The following NAV3 variants were observed in gnomAD, a reference collection of about 807,000 sequenced individuals.
NAV3 encodes the protein neuron navigator 3, also known as pore membrane and/or filament interacting like protein 1.
NAV3 carries 87 observed loss-of-function variants against 244.7 expected under a neutral mutation model. The ratio of observed to expected loss-of-function variants is 0.36; its 90% CI spans 0.30 to 0.42. The LOEUF is 0.42. Among genes scored for constraint, NAV3 ranks in the 20% least tolerant of loss-of-function variants. The pLI is 1.00. For missense variants in NAV3, 2,663 were observed against 2,893.3 expected (o/e 0.92, Z 1.83); for synonymous variants, 1,126 against 1,042.2 (o/e 1.08, Z -1.55).
At chr12:77,597,403 C>T (rs950098896) in intron 2 of NAV3, among the ~76,000 whole-genome samples, 1 of 151,972 alleles carries the variant, frequency 6.6e-6, no homozygotes, top group Admixed American at 6.6e-5. Context: ...GGCAGGTACT[C>T]AATAAATATT....
chr12:78,210,680 A>G lies in NAV3; in HGVS notation c.*163A>G. On this transcript the variant is annotated 3_prime_UTR_variant, in exon 40 of 40. Transcript: ENST00000397909. ...GCAGAACTAAGTCTGAACCGCCAAG[A>G]TGCTAAATTGCAATGGAAGCTTAAC... 1.4e-6 allele frequency: 1 copy of G among 730,314 alleles called. No individual in the cohort carries two copies. The highest frequency in any genetic ancestry group is 2.0e-5 in the South Asian group (1 of 50,242). 45.2% of individuals were successfully genotyped at this position (730,314 alleles called of 1,614,324 possible).
At position 77,664,850 on chromosome 12, in the gene NAV3, G is replaced by A. The variant is rs187125102; in HGVS notation, c.72+92584G>A. On this transcript the variant is annotated intron_variant, in intron 2 of 8. Transcript: ENST00000550042. Reference sequence around the variant, plus strand: ...CTAAAATCTTAATCTGCATGTAATAGATTCTTCTGTGACAACACATTATTT... The same window carrying A: ...CTAAAATCTTAATCTGCATGTAATAAATTCTTCTGTGACAACACATTATTT... Among the ~76,000 whole-genome samples, 291 of 152,312 alleles carry A rather than the reference G, an allele frequency of 1.9e-3. 1 individual carries two copies. The highest frequency in any genetic ancestry group is 6.6e-3 in the African/African-American group (273 of 41,582).
At chr12:77,975,805 A>C (rs977476989) in intron 5 of NAV3, among the ~76,000 whole-genome samples, 1 of 119,464 alleles carries the variant, frequency 8.4e-6, no homozygotes, top group Non-Finnish European at 2.0e-5. Context: ...AGAGGGGAAG[A>C]TACTATGTGC....
At chr12:78,153,149 T>C (rs1343245606) in intron 22 of NAV3, among the ~76,000 whole-genome samples, 2 of 152,030 alleles carry the variant, frequency 1.3e-5, no homozygotes, top group Admixed American at 6.6e-5. Flanking sequence ...AACAATAACT[T>C]GTATTTTAAT....
At chr12:77,768,703 C>T (rs1869917466) in intron 2 of NAV3, among the ~76,000 whole-genome samples, 1 of 152,170 alleles carries the variant, frequency 6.6e-6, no homozygotes, top group Non-Finnish European at 1.5e-5. Flanking sequence ...TGCCTAGATC[C>T]ATAGCTACAG....
intron 9 of NAV3, among the ~76,000 whole-genome samples, chr12:78,023,677 A>T (rs1877527368): frequency 6.6e-6 from 1 of 152,204 alleles, no homozygotes; most frequent in African/African-American, 2.4e-5. Context: ...TATTATTTGC[A>T]GTTAGTAAGT....
chr12:78,062,264 A>G (rs1458306273), intron 12 of NAV3, among the ~76,000 whole-genome samples: 1 of 152,154 alleles, frequency 6.6e-6, no homozygotes, highest in East Asian at 1.9e-4. Context: ...TCAGCTTATA[A>G]CATATAGAAA....
chr12:77,694,974 G>C (rs117772237), intron 2 of NAV3, among the ~76,000 whole-genome samples: 1 of 152,156 alleles, frequency 6.6e-6, no homozygotes, highest in African/African-American at 2.4e-5. Context: ...CTGGGTGGAG[G>C]ATAATCCTTA....
intron 24 of NAV3, among the ~76,000 whole-genome samples, chr12:78,170,515 A>C (rs948838264): frequency 6.6e-6 from 1 of 151,788 alleles, no homozygotes; most frequent in Non-Finnish European, 1.5e-5. Context: ...AATAGTCATT[A>C]AGAAACACAT....
chr12:77,962,845 C>T (rs1300159598), intron 3 of NAV3, among the ~76,000 whole-genome samples: 3 of 152,124 alleles, frequency 2.0e-5, no homozygotes, highest in African/African-American at 2.4e-5. Context: ...AGTATTATTC[C>T]GTGAAACTTT....
intron 22 of NAV3, among the ~76,000 whole-genome samples, chr12:78,158,060 C>T (rs971749774): frequency 3.3e-5 from 5 of 152,056 alleles, no homozygotes; most frequent in African/African-American, 9.7e-5. Context: ...AAGTAATAAG[C>T]TTTAATTCTT....
At chr12:77,961,040 G>GTA (rs1891889390) in intron 3 of NAV3, among the ~76,000 whole-genome samples, 1 of 131,136 alleles carries the variant, frequency 7.6e-6, no homozygotes, top group Admixed American at 7.8e-5. Context: ...ACGCATATAT[G>GTA]TATATATGTA....
chr12:77,767,375 C>G (rs1297048451), intron 2 of NAV3, among the ~76,000 whole-genome samples: 5 of 152,320 alleles, frequency 3.3e-5, no homozygotes, highest in Admixed American at 2.6e-4. Flanking sequence ...GTTGCCTCAG[C>G]CTGAGTTTTA....
intron 2 of NAV3, among the ~76,000 whole-genome samples, chr12:77,685,486 C>CACACACACACACAA (rs1555194554): frequency 2.1e-5 from 3 of 139,924 alleles, no homozygotes; most frequent in East Asian, 2.0e-4. Flanking sequence ...CACACACACA[C>CACACACACACACAA]ACACACACAC....
rs552532032 is a variant in NAV3 at position 78,133,866 on chromosome 12, G to A, written c.4442-3311G>A. 2.0e-5 allele frequency among the ~76,000 whole-genome samples: 3 copies of A among 152,114 alleles called. No homozygotes were observed. In the South Asian group the frequency reaches 6.2e-4, roughly 32 times the overall value. On this transcript the variant is annotated intron_variant, in intron 18 of 39. Transcript: ENST00000397909. ...TGAATGAAAAAATGGAAGAATAAAG[G>A]CCTCTAAGATCCATTCAAAGCCAGG...
chr12:78,043,810 C>T (rs1002845246), intron 9 of NAV3, among the ~76,000 whole-genome samples: 2 of 151,994 alleles, frequency 1.3e-5, no homozygotes, highest in Non-Finnish European at 2.9e-5. Context: ...GTTTAAGTTC[C>T]TTGTAGATTC....
intron 9 of NAV3, among the ~76,000 whole-genome samples, chr12:78,030,058 C>T (rs1412880598): frequency 1.3e-5 from 2 of 152,038 alleles, no homozygotes; most frequent in Admixed American, 6.6e-5. Context: ...GCATATGAAA[C>T]ATAGGTGAAT....
intron 19 of NAV3, among the ~76,000 whole-genome samples, chr12:78,137,628 T>C (rs1317296321): frequency 2.0e-5 from 3 of 152,192 alleles, no homozygotes; most frequent in Non-Finnish European, 4.4e-5. Flanking sequence ...TACAGAAATA[T>C]ACATATAAAC....
chr12:77,581,979 T>C (rs921983516), intron 2 of NAV3, among the ~76,000 whole-genome samples: 2 of 152,178 alleles, frequency 1.3e-5, no homozygotes, highest in African/African-American at 4.8e-5. Context: ...CAACATACAA[T>C]TACAAAGCAC....
Sources: allele counts gnomAD v4.1 joint callset (sites outside exome capture counted in the v4.1 genomes callset), GRCh38; gene constraint gnomAD v4.1.1; transcripts MANE v1.5; gene names NCBI Gene and HGNC (gene_info 2026-07-23, HGNC 2026-07-21).